DYNC2H1: variants seen among roughly 807,000 people sequenced by gnomAD.
The protein encoded by DYNC2H1 is cytoplasmic dynein 2 heavy chain 1.
A neutral mutation model predicts 570.0 loss-of-function variants in DYNC2H1; 410 were observed. That is an observed-to-expected ratio of 0.72 (90% CI 0.66 to 0.78). The LOEUF (loss-of-function observed/expected upper bound fraction) is 0.78. Ranked by LOEUF, DYNC2H1 falls within the 30% of genes least tolerant of loss-of-function variation. The pLI, the probability that DYNC2H1 is intolerant of heterozygous loss-of-function variation, is 0.00. For synonymous variants in DYNC2H1, 1,688 were observed against 1,677.6 expected (o/e 1.01, Z -0.15); for missense variants, 4,865 against 5,046.4 (o/e 0.96, Z 1.09).
In DYNC2H1 at chr11:103,135,768, A is replaced by C; in HGVS notation, c.2394A>C (p.Lys798Asn). ...CCCCTTTTGAAGAAATCCGGGCTAA[A>C]TATTATAGAGAAATGAAGAGATTCA... ...FRPPFEEIRA[K>N]YYREMKRFIG... Residue 798 changes from lysine to asparagine, a missense_variant, in exon 17 of 89, where the codon AAA (lysine) becomes AAC (asparagine). Around this residue, in one of 5 missense-constraint regions of DYNC2H1, gnomAD observed 1,936 missense variants for 1,962.1 expected, o/e 0.99. Coordinates refer to ENST00000375735, the MANE Select transcript of DYNC2H1 (RefSeq NM_001377.3). The C allele has an allele frequency of 6.2e-7, 1 of 1,612,574 alleles. No homozygotes were observed. The highest frequency in any genetic ancestry group is 8.5e-7 in the Non-Finnish European group (1 of 1,179,242).
rs765845482 is a variant in DYNC2H1 at position 103,177,752 on chromosome 11, T to G, written c.6071T>G (p.Met2024Arg). The change falls in exon 38 of 89, where the codon ATG becomes AGG. Residue 2024 changes from methionine to arginine, a missense_variant. Coordinates refer to ENST00000375735, the MANE Select transcript of DYNC2H1 (RefSeq NM_001377.3). This position sits in a 1 kb window ranked among gnomAD's most constrained non-coding sequence, Gnocchi z 4.4. ...TATCAATTATTAGGCCATATTGACATGGACACAAGAGAATGGTCTGATGGT... is the reference window on the plus strand; with the variant it reads ...TATCAATTATTAGGCCATATTGACAGGGACACAAGAGAATGGTCTGATGGT... ...PRYQLLGHID[M>R]DTREWSDGVL... 4 of 1,613,434 alleles carry G rather than the reference T, an allele frequency of 2.5e-6. No homozygotes were observed. Among genetic ancestry groups the G allele is most frequent in the Non-Finnish European group, 2.5e-6 (3 of 1,179,668 alleles).
chr11:103,186,116 G>T lies in DYNC2H1; in HGVS notation c.6634-126G>T, dbSNP rs540089102. On this transcript the variant is annotated intron_variant, in intron 41 of 88. Coordinates refer to ENST00000375735, the MANE Select transcript of DYNC2H1 (RefSeq NM_001377.3). This position sits in a 1 kb window ranked among gnomAD's most constrained non-coding sequence, Gnocchi z 4.5. ...AAATGTTACATTAATGATAAAATAG[G>T]TTTAGTTTATGTAAAGTTTTCTTGG... 4.6e-6 allele frequency: 4 copies of T among 872,052 alleles called. No homozygotes were observed. The South Asian group carries it at 5.7e-5, about 12-fold the overall frequency. 54.0% of individuals were successfully genotyped at this position (872,052 alleles called of 1,614,324 possible).
chr11:103,158,490 T>C (rs185540312), intron 26 of DYNC2H1, among the ~76,000 whole-genome samples, 187 bp from the exon 27 acceptor site: 89 of 152,214 alleles, frequency 5.8e-4, no homozygotes, highest in Middle Eastern at 6.8e-3. Flanking sequence ...ATATATAAGA[T>C]AATTTAAAAT....
intron 84 of DYNC2H1, among the ~76,000 whole-genome samples, chr11:103,420,735 T>C (rs960598495): frequency 2.0e-5 from 3 of 152,042 alleles, no homozygotes; most frequent in Admixed American, 1.3e-4. Flanking sequence ...AAGCACTAAA[T>C]ATAGAAATGA....
At chr11:103,274,634 G>A (rs758427201) in intron 70 of DYNC2H1, among the ~76,000 whole-genome samples, 1 of 151,776 alleles carries the variant, frequency 6.6e-6, no homozygotes, top group African/African-American at 2.4e-5. Flanking sequence ...AGAATACTAC[G>A]CTACACATCT....
At chr11:103,343,844 C>G (rs1048894502) in intron 82 of DYNC2H1, among the ~76,000 whole-genome samples, 1 of 152,164 alleles carries the variant, frequency 6.6e-6, no homozygotes, top group Admixed American at 6.5e-5. Context: ...CCAAAAAGTG[C>G]TTTTCCTATA....
intron 85 of DYNC2H1, 168 bp from the exon 86 acceptor site, chr11:103,455,018 T>G: frequency 1.9e-6 from 1 of 516,646 alleles, no homozygotes; most frequent in Non-Finnish European, 3.4e-6. Context: ...TATGCCAAAT[T>G]GCAATGCCAG....
In DYNC2H1 at chr11:103,199,077, A is replaced by G. The variant is rs983748906; in HGVS notation, c.7840-151A>G. On this transcript the variant is annotated intron_variant, in intron 48 of 88. Coordinates refer to ENST00000375735, the MANE Select transcript of DYNC2H1 (RefSeq NM_001377.3). The surrounding 1 kb of genome is among the most constrained non-coding windows in gnomAD (Gnocchi z 4.6). ...ATATATTTATCCAGGATTACCAGACATATAAAATATTGAGTGTGAGATGAT... is the reference window on the plus strand; with the variant it reads ...ATATATTTATCCAGGATTACCAGACGTATAAAATATTGAGTGTGAGATGAT... 2 of 477,150 alleles carry G rather than the reference A, an allele frequency of 4.2e-6. No individual in the cohort carries two copies. Among genetic ancestry groups the G allele is most frequent in the East Asian group, 3.6e-5 (1 of 28,166 alleles). 29.6% of individuals were successfully genotyped at this position (477,150 alleles called of 1,614,324 possible).
intron 83 of DYNC2H1, among the ~76,000 whole-genome samples, chr11:103,389,358 C>T (rs1942034657): frequency 6.6e-6 from 1 of 152,172 alleles, no homozygotes; most frequent in Admixed American, 6.5e-5. Context: ...CCCCCTTTAA[C>T]ATTTTTTATT....
chr11:103,397,937 C>A (rs1942465414), intron 83 of DYNC2H1, among the ~76,000 whole-genome samples: 1 of 152,120 alleles, frequency 6.6e-6, no homozygotes, highest in South Asian at 2.1e-4. Flanking sequence ...TACCTATTTT[C>A]TTGGATTGTA....
chr11:103,290,504 T>G (rs1866549830), intron 75 of DYNC2H1, among the ~76,000 whole-genome samples: 1 of 152,198 alleles, frequency 6.6e-6, no homozygotes, highest in Admixed American at 6.5e-5. Context: ...ATACCCATAT[T>G]AAACTCGCTT....
chr11:103,159,036 C>A lies in DYNC2H1; in HGVS notation c.4378+9C>A. 1 of 1,596,594 alleles carries A rather than the reference C, an allele frequency of 6.3e-7. No homozygotes were observed. The highest frequency in any genetic ancestry group is 8.6e-7 in the Non-Finnish European group (1 of 1,166,472). ...GAAGAAGCTTTTTGCTGGTAGGATTCAACATTTATTTAACAGATATTTATT... is the reference window on the plus strand; with the variant it reads ...GAAGAAGCTTTTTGCTGGTAGGATTAAACATTTATTTAACAGATATTTATT... On this transcript the variant is annotated intron_variant, in intron 28 of 88. Transcript: ENST00000375735.
rs1473569211 is a variant in DYNC2H1, at chr11:103,304,616, G to A, written c.11278G>A (p.Ala3760Thr). ...YHQVAMGQGQ[A>T]DLAIQMLKEC... is the part of the protein sequence containing the mutation. ...GTAGGTTGCCATGGGTCAAGGTCAA[G>A]CTGATTTAGCAATTCAAATGCTAAA... The change falls in exon 77 of 89, where the codon GCT becomes ACT. Residue 3760 changes from alanine (A) to threonine (T), a missense_variant. By Grantham distance (58) the Ala-to-Thr change is moderately conservative (BLOSUM62 0). This residue lies in a region of DYNC2H1 where 2,401 missense variants were observed against 2,454.6 expected (regional missense o/e 0.98). Transcript: ENST00000375735. The A allele has an allele frequency of 6.2e-7, 1 of 1,612,914 alleles. No individual in the cohort carries two copies. Among genetic ancestry groups the A allele is most frequent in the Admixed American group, 1.7e-5 (1 of 59,942 alleles).
Position 103,235,758 on chromosome 11 carries a change from T to C in DYNC2H1, c.9654T>C (p.Pro3218=). The stretch of plus-strand genomic sequence containing the variant: ...TTATTACATATCTTTCTGCTGCTCC[T>C]GAATCTCTGAGAAAAACCTGTTTGG... The part of the protein sequence containing the change: ...AAFITYLSAA[P]ESLRKTCLEE... Residue 3218 remains proline, a synonymous_variant, in exon 62 of 89, where the codon CCT becomes CCC. Transcript: ENST00000375735. The C allele has an allele frequency of 6.2e-7, 1 of 1,611,938 alleles. No individual in the cohort carries two copies. Among genetic ancestry groups the C allele is most frequent in the Non-Finnish European group, 8.5e-7 (1 of 1,178,616 alleles).
At chr11:103,333,917 C>G (rs888340024) in intron 82 of DYNC2H1, among the ~76,000 whole-genome samples, 1 of 151,924 alleles carries the variant, frequency 6.6e-6, no homozygotes, top group Admixed American at 6.6e-5. Context: ...TTCTTTTGTT[C>G]AGTAATATCA....
At chr11:103,379,729 A>T (rs1941558100) in intron 83 of DYNC2H1, among the ~76,000 whole-genome samples, 1 of 152,164 alleles carries the variant, frequency 6.6e-6, no homozygotes, top group African/African-American at 2.4e-5. Flanking sequence ...ACCATGACAG[A>T]TTCTGTGAGG....
chr11:103,243,798 A>G lies in DYNC2H1; in HGVS notation c.9918+7A>G, dbSNP rs1177339856. 1.4e-5 allele frequency: 22 copies of G among 1,555,260 alleles called. No individual in the cohort carries two copies. Among genetic ancestry groups the G allele is most frequent in the Non-Finnish European group, 1.8e-5 (21 of 1,145,280 alleles). The stretch of plus-strand genomic sequence containing the variant: ...AGAAGTTATCAATCAGCAGGTATGT[A>G]TTATTTATAATTTACATACCAATTA... On this transcript the variant is annotated splice_region_variant and intron_variant, in intron 64 of 88. Transcript: ENST00000375735. This position sits in a 1 kb window ranked among gnomAD's most constrained non-coding sequence, Gnocchi z 4.8.
intron 35 of DYNC2H1, 37 bp downstream of exon 35, chr11:103,173,342 A>T (rs767417995): frequency 5.1e-6 from 7 of 1,364,334 alleles, no homozygotes; most frequent in Non-Finnish European, 6.8e-6. Context: ...TATATTTTAC[A>T]TTTCTAATGA....
chr11:103,455,996 C>T (rs767983945), intron 86 of DYNC2H1, among the ~76,000 whole-genome samples: 6 of 151,956 alleles, frequency 3.9e-5, no homozygotes, highest in Non-Finnish European at 7.4e-5. Flanking sequence ...GAACACCCAT[C>T]GTGTGCCTGC....
Sources: allele counts gnomAD v4.1 joint callset (sites outside exome capture counted in the v4.1 genomes callset), GRCh38; gene constraint gnomAD v4.1.1; regional missense constraint gnomAD v4.1.1; non-coding constraint Gnocchi (gnomAD v3.1); transcripts MANE v1.5; gene names NCBI Gene and HGNC (gene_info 2026-07-23, HGNC 2026-07-21).